The following IPCEF1 variants were observed in gnomAD, a reference collection of about 807,000 sequenced individuals.
The protein encoded by IPCEF1 is interactor protein for cytohesin exchange factors 1.
Under a neutral mutation model 50.9 loss-of-function variants are expected in IPCEF1, and 31 were observed. The observed-to-expected ratio is 0.61, with a 90% CI of 0.46 to 0.82. The LOEUF is 0.82. IPCEF1 is among the 40% of genes least tolerant of loss of function. IPCEF1 has a pLI of 0.00. For synonymous variants in IPCEF1, 181 were observed against 192.0 expected, an observed-to-expected ratio of 0.94 and a Z score of 0.47; for missense variants, 458 against 514.0, an observed-to-expected ratio of 0.89 and a Z score of 1.05.
At chr6:154,320,476 C>T (rs139419640) in intron 1 of IPCEF1, among the ~76,000 whole-genome samples, 158 of 152,312 alleles carry the variant, frequency 1.0e-3, no homozygotes, top group African/African-American at 3.3e-3. Context: ...GAAAAACTGG[C>T]TCTAATACCG....
intron 1 of IPCEF1, among the ~76,000 whole-genome samples, chr6:154,354,551 C>A (rs2128703201): frequency 6.6e-6 from 1 of 152,152 alleles, no homozygotes; most frequent in South Asian, 2.1e-4. Context: ...TCCATTACCA[C>A]CTCCACCATC....
chr6:154,336,885 T>A (rs907057516), intron 1 of IPCEF1, among the ~76,000 whole-genome samples: 1 of 152,188 alleles, frequency 6.6e-6, no homozygotes, highest in Non-Finnish European at 1.5e-5. Context: ...ACTACAGGCG[T>A]GATCAATCAT....
intron 10 of IPCEF1, among the ~76,000 whole-genome samples, chr6:154,192,358 A>ATG (rs1022939800): frequency 4.4e-5 from 4 of 91,638 alleles, no homozygotes; most frequent in Admixed American, 1.9e-4. Flanking sequence ...GTGTGTATGC[A>ATG]TGTGTGTGTA....
At chr6:154,253,578 T>C (rs529152091) in intron 3 of IPCEF1, among the ~76,000 whole-genome samples, 2 of 152,354 alleles carry the variant, frequency 1.3e-5, no homozygotes, top group Non-Finnish European at 2.9e-5. Context: ...AATGTTGCAA[T>C]TAACAATTTT....
intron 10 of IPCEF1, among the ~76,000 whole-genome samples, chr6:154,172,999 C>T (rs1490792523): frequency 6.6e-6 from 1 of 152,230 alleles, no homozygotes; most frequent in Non-Finnish European, 1.5e-5. Flanking sequence ...TGTTCTGCAG[C>T]CTCCGCTGGT....
intron 9 of IPCEF1, among the ~76,000 whole-genome samples, chr6:154,207,559 G>GTTT (rs60099031): frequency 1.3e-5 from 2 of 151,188 alleles, no homozygotes; most frequent in Non-Finnish European, 1.5e-5. Context: ...ACTTTTTGGG[G>GTTT]TTTTTTTTGT....
At chr6:154,245,739 C>T (rs531400170) in intron 5 of IPCEF1, among the ~76,000 whole-genome samples, 1 of 152,302 alleles carries the variant, frequency 6.6e-6, no homozygotes, top group East Asian at 1.9e-4. Context: ...CAAAGGGACT[C>T]ACACTCTCCT....
At chr6:154,327,975 C>A (rs892029179) in intron 1 of IPCEF1, among the ~76,000 whole-genome samples, 4 of 152,086 alleles carry the variant, frequency 2.6e-5, no homozygotes, top group African/African-American at 4.8e-5. Flanking sequence ...CAGAAAGAGA[C>A]AACCAAATAC....
At chr6:154,187,603 G>A (rs938194376) in intron 10 of IPCEF1, among the ~76,000 whole-genome samples, 2 of 152,124 alleles carry the variant, frequency 1.3e-5, no homozygotes, top group South Asian at 2.1e-4. Context: ...CATGATTGTC[G>A]AAGGAGAGAA....
intron 3 of IPCEF1, 137 bp from the exon 4 acceptor site, chr6:154,247,625 C>A (rs557258785): frequency 9.9e-6 from 6 of 608,906 alleles, no homozygotes; most frequent in African/African-American, 9.3e-5. Flanking sequence ...CAGAGCTTAA[C>A]GGGGAGCTAC....
At chr6:154,261,434 T>C (rs945065792) in intron 3 of IPCEF1, among the ~76,000 whole-genome samples, 8 of 152,180 alleles carry the variant, frequency 5.3e-5, no homozygotes, top group Non-Finnish European at 7.3e-5. Flanking sequence ...CGTTGTCATG[T>C]GGCAATTGGA....
At chr6:154,281,131 G>A (rs1277064518) in intron 2 of IPCEF1, among the ~76,000 whole-genome samples, 1 of 149,088 alleles carries the variant, frequency 6.7e-6, no homozygotes, top group Non-Finnish European at 1.5e-5. Context: ...CTTGAGGTCA[G>A]GAGTTCAAGA....
chr6:154,292,255 G>A (rs560296419), intron 1 of IPCEF1, among the ~76,000 whole-genome samples: 1 of 152,212 alleles, frequency 6.6e-6, no homozygotes, highest in East Asian at 1.9e-4. Context: ...TTTGGCAGAG[G>A]TACTCACAGG....
chr6:154,240,678 G>A (rs1035399050), intron 5 of IPCEF1, among the ~76,000 whole-genome samples: 1 of 152,188 alleles, frequency 6.6e-6, no homozygotes, highest in Non-Finnish European at 1.5e-5. Context: ...TCATAAAACT[G>A]ATTTCAAGAA....
At position 154,234,885 on chromosome 6, in the gene IPCEF1, T is replaced by C. The variant is rs115641201; in HGVS notation, c.247-11642A>G. Among the ~76,000 whole-genome samples the C allele has an allele frequency of 3.4e-3, 522 of 152,330 alleles. 3 individuals are homozygous for C. The highest frequency in any genetic ancestry group is 0.012 in the African/African-American group (498 of 41,572). On this transcript the variant is annotated intron_variant, in intron 5 of 11. Transcript: ENST00000367220. ...ATGGAAACCTCAAATTTAAAAGAAT[T>C]TTGTGTGATTGTCCTCTGCCGTGTA...
chr6:154,304,558 A>G (rs933807692), intron 1 of IPCEF1, among the ~76,000 whole-genome samples: 4 of 152,190 alleles, frequency 2.6e-5, no homozygotes, highest in Non-Finnish European at 5.9e-5. Flanking sequence ...CACCATTTAT[A>G]TATTCTGAAT....
chr6:154,176,704 T>C (rs950660908), intron 10 of IPCEF1, among the ~76,000 whole-genome samples: 2 of 152,208 alleles, frequency 1.3e-5, no homozygotes, highest in African/African-American at 2.4e-5. Context: ...TCCATGCTCA[T>C]GGATAGGAAG....
At chr6:154,196,409 C>T (rs781605727) in intron 10 of IPCEF1, among the ~76,000 whole-genome samples, 1 of 152,032 alleles carries the variant, frequency 6.6e-6, no homozygotes, top group Non-Finnish European at 1.5e-5. Flanking sequence ...TCTTCTTTAA[C>T]AATGTTTTAT....
chr6:154,282,371 C>T (rs1287933713), intron 2 of IPCEF1, among the ~76,000 whole-genome samples: 4 of 151,946 alleles, frequency 2.6e-5, no homozygotes, highest in Admixed American at 6.5e-5. Flanking sequence ...AGAGTGGTAG[C>T]GATAGAAGTG....
Sources: gnomAD v4.1 joint callset for allele counts (sites outside exome capture counted in the v4.1 genomes callset) on GRCh38, gnomAD v4.1.1 for gene constraint, MANE v1.5 for transcripts, NCBI Gene and HGNC (gene_info 2026-07-23, HGNC 2026-07-21) for gene names.